Variants in ZMYND8 observed in about 807,000 individuals in gnomAD.
ZMYND8 encodes zinc finger MYND-type containing 8, also known as MYND-type zinc finger-containing chromatin reader ZMYND8.
In ZMYND8, 37 loss-of-function variants were observed where a neutral mutation model predicts 140.8. The observed-to-expected ratio is 0.26, with a 90% CI of 0.20 to 0.35. The LOEUF is 0.35. ZMYND8 is among the 10% of genes least tolerant of loss of function. The probability of loss-of-function intolerance (pLI) is 1.00; values close to 1 mark genes in which losing one functional copy is unlikely to be tolerated. For missense variants in ZMYND8, 1,068 were observed against 1,570.0 expected, an observed-to-expected ratio of 0.68 and a Z score of 5.40; for synonymous variants, 592 against 597.1, an observed-to-expected ratio of 0.99 and a Z score of 0.12.
At chr20:47,328,551 C>A (rs2080658351) in intron 2 of ZMYND8, among the ~76,000 whole-genome samples, 1 of 152,126 alleles carries the variant, frequency 6.6e-6, no homozygotes, top group Non-Finnish European at 1.5e-5. Context: ...ACAACCTCTG[C>A]CTCCCAGGTT....
chr20:47,297,108 G>A (rs540514757), intron 4 of ZMYND8, among the ~76,000 whole-genome samples: 2 of 151,070 alleles, frequency 1.3e-5, no homozygotes, highest in East Asian at 4.0e-4. Flanking sequence ...GTAGAATGAG[G>A]TCAGCCTCTG....
rs1433218839 is a variant in ZMYND8, at chr20:47,261,555, TCA to T, written c.1621+731_1621+732del. 7.9e-3 allele frequency among the ~76,000 whole-genome samples: 177 copies of T among 22,440 alleles called. 1 individual carries two copies. The highest frequency in any genetic ancestry group is 0.043 in the African/African-American group (166 of 3,892). 14.7% of individuals were successfully genotyped at this position (22,440 alleles called of 152,430 possible). A position where few individuals can be genotyped will look rare whatever the true frequency, so the allele number is the denominator to read the frequency against. On this transcript the variant is annotated intron_variant, in intron 12 of 22. Coordinates refer to ENST00000471951, the MANE Select transcript of ZMYND8 (RefSeq NM_001281775.3). ...CCCATCTCTAAAAAAACAGTTATCA[TCA>T]TCATCATCATCATCATCATCATCAT...
At chr20:47,226,691 T>A (rs543558405) in intron 18 of ZMYND8, among the ~76,000 whole-genome samples, 1 of 152,096 alleles carries the variant, frequency 6.6e-6, no homozygotes, top group Non-Finnish European at 1.5e-5. Flanking sequence ...ATATAACAGA[T>A]CCCTTTATCA....
intron 14 of ZMYND8, among the ~76,000 whole-genome samples, chr20:47,239,673 T>C (rs1053498172): frequency 6.6e-6 from 1 of 152,190 alleles, no homozygotes; most frequent in Non-Finnish European, 1.5e-5. Context: ...AGTATTCTTT[T>C]CATCTCTTCT....
chr20:47,249,563 T>C, intron 12 of ZMYND8, 124 bp from the exon 13 acceptor site: 1 of 1,326,422 alleles, frequency 7.5e-7, no homozygotes, highest in South Asian at 1.5e-5. Context: ...GATACTTTTT[T>C]TGTCATTCAT....
chr20:47,224,307 AG>A lies in ZMYND8; in HGVS notation c.3256+9del. On this transcript the variant is annotated intron_variant, in intron 19 of 22. Transcript: ENST00000471951. The stretch of plus-strand genomic sequence containing the variant: ...AGCCCAGGACGGGAGGCAGCCCCAC[AG>A]GGCATTACCTGACTGGGTGCAGGAC... 6.2e-7 allele frequency: 1 copy of A among 1,613,796 alleles called. No homozygotes were observed. Among genetic ancestry groups the A allele is most frequent in the Non-Finnish European group, 8.5e-7 (1 of 1,179,696 alleles).
intron 9 of ZMYND8, 127 bp downstream of exon 9, chr20:47,283,444 G>A: frequency 2.1e-6 from 2 of 939,638 alleles, no homozygotes; most frequent in Non-Finnish European, 3.3e-6. Context: ...AATTTTATCA[G>A]CAAAAAATTA....
intron 2 of ZMYND8, 118 bp downstream of exon 2, chr20:47,347,737 TC>T (rs1409104036): frequency 1.0e-6 from 1 of 965,010 alleles, no homozygotes; most frequent in African/African-American, 1.6e-5. Flanking sequence ...TATCTGAAAA[TC>T]CAAGAAGAGT....
At chr20:47,229,188 T>C (rs1440394829) in intron 17 of ZMYND8, among the ~76,000 whole-genome samples, 1 of 151,346 alleles carries the variant, frequency 6.6e-6, no homozygotes, top group Non-Finnish European at 1.5e-5. Context: ...TTCACTATGT[T>C]GTGCAGGCTG....
At chr20:47,348,970 A>G (rs916690125) in intron 1 of ZMYND8, 2 of 152,222 alleles carry the variant, frequency 1.3e-5, no homozygotes, top group Non-Finnish European at 2.9e-5. Flanking sequence ...TGCATCACCA[A>G]TTGATATGGC....
chr20:47,340,773 C>T (rs893768013), intron 2 of ZMYND8, among the ~76,000 whole-genome samples: 7 of 149,376 alleles, frequency 4.7e-5, no homozygotes, highest in African/African-American at 1.7e-4. Context: ...GGCAACAGAG[C>T]AAGACTCTGT....
chr20:47,299,047 G>C, intron 3 of ZMYND8, 100 bp from the exon 4 acceptor site: 1 of 1,132,766 alleles, frequency 8.8e-7, no homozygotes, highest in Admixed American at 2.1e-5. Context: ...GAAAATAACA[G>C]CATTTCACAA....
intron 2 of ZMYND8, among the ~76,000 whole-genome samples, chr20:47,343,004 G>T (rs2082036440): frequency 6.6e-6 from 1 of 152,230 alleles, no homozygotes; most frequent in South Asian, 2.1e-4. Flanking sequence ...GGCCAGCCGG[G>T]CATGGTGGTT....
intron 2 of ZMYND8, among the ~76,000 whole-genome samples, chr20:47,330,245 A>G (rs186703559): frequency 8.6e-4 from 131 of 152,176 alleles, no homozygotes; most frequent in African/African-American, 2.9e-3. Context: ...CCTGCAGTGC[A>G]GTGGCAAGAT....
At chr20:47,300,772 T>C (rs2077964841) in intron 3 of ZMYND8, among the ~76,000 whole-genome samples, 1 of 152,086 alleles carries the variant, frequency 6.6e-6, no homozygotes, top group South Asian at 2.1e-4. Context: ...TGGAGTACAG[T>C]GGCAAGATCT....
intron 1 of ZMYND8, chr20:47,349,795 T>A (rs1228304686): frequency 7.8e-6 from 12 of 1,529,586 alleles, no homozygotes; most frequent in Middle Eastern, 1.7e-4. Context: ...CGCTAATCTG[T>A]GATCCAACTG....
intron 2 of ZMYND8, among the ~76,000 whole-genome samples, chr20:47,333,568 A>G (rs2081125157): frequency 6.6e-6 from 1 of 151,928 alleles, no homozygotes; most frequent in South Asian, 2.1e-4. Flanking sequence ...TCTACTAAAC[A>G]TACAAAAATT....
intron 21 of ZMYND8, among the ~76,000 whole-genome samples, chr20:47,216,779 C>A (rs2036191172): frequency 1.3e-5 from 2 of 152,040 alleles, no homozygotes; most frequent in Admixed American, 1.3e-4. Flanking sequence ...TGCACTCCAG[C>A]CTGGGCGACA....
intron 14 of ZMYND8, among the ~76,000 whole-genome samples, chr20:47,244,226 T>C (rs2040275396): frequency 6.6e-6 from 1 of 152,210 alleles, no homozygotes; most frequent in African/African-American, 2.4e-5. Flanking sequence ...ATTGACAAGT[T>C]AGCTCCTGAT....
Sources: allele counts gnomAD v4.1 joint callset (sites outside exome capture counted in the v4.1 genomes callset), GRCh38; gene constraint gnomAD v4.1.1; transcripts MANE v1.5; gene names NCBI Gene and HGNC (gene_info 2026-07-23, HGNC 2026-07-21).